RELN: variants seen among roughly 807,000 people sequenced by gnomAD.
RELN encodes reelin.
In RELN, 108 loss-of-function variants were observed where a neutral mutation model predicts 427.6. The observed-to-expected ratio is 0.25, with a 90% CI of 0.22 to 0.30. The LOEUF (loss-of-function observed/expected upper bound fraction) is 0.30, where lower values mean the gene tolerates loss of function less well. Ranked by LOEUF, RELN falls within the 10% of genes least tolerant of loss-of-function variation. The pLI, the probability that RELN is intolerant of heterozygous loss-of-function variation, is 1.00. For missense variants in RELN, 3,715 were observed against 4,302.8 expected (o/e 0.86, Z 3.82); for synonymous variants, 1,524 against 1,513.4 (o/e 1.01, Z -0.16).
At chr7:103,882,917 T>A (rs1175083534) in intron 2 of RELN, among the ~76,000 whole-genome samples, 1 of 152,086 alleles carries the variant, frequency 6.6e-6, no homozygotes, top group Non-Finnish European at 1.5e-5. Flanking sequence ...AAAGAGGGAC[T>A]CCTCCCTAAC....
At position 103,510,928 on chromosome 7, in the gene RELN, C is replaced by G; in HGVS notation, c.8197G>C (p.Gly2733Arg). 1 of 1,612,508 alleles carries G rather than the reference C, an allele frequency of 6.2e-7. No homozygotes were observed. Among genetic ancestry groups the G allele is most frequent in the Non-Finnish European group, 8.5e-7 (1 of 1,178,570 alleles). The change falls in exon 51 of 65, where the codon GGC becomes CGC. Residue 2733 changes from glycine to arginine, a missense_variant. Coordinates refer to ENST00000428762, the MANE Select transcript of RELN (RefSeq NM_005045.4). ...CDSPDGVMLC[G>R]SHDGREVYAV... ...TACACCTCCCGTCCATCATGACTGC[C>G]ACAGAGCATCACACCATCAGGGGAG...
chr7:103,699,041 T>A (rs908083916), intron 9 of RELN, among the ~76,000 whole-genome samples: 8 of 152,192 alleles, frequency 5.3e-5, no homozygotes, highest in African/African-American at 1.4e-4. Context: ...ATAACATGAT[T>A]TTTTATATTA....
chr7:103,511,452 A>C (rs1222466642), intron 50 of RELN, among the ~76,000 whole-genome samples: 1 of 152,148 alleles, frequency 6.6e-6, no homozygotes, highest in East Asian at 1.9e-4. Context: ...ATTTTTTTTA[A>C]TACCGGATAG....
chr7:103,496,810 C>T (rs763538415), intron 55 of RELN, 42 bp from the exon 56 acceptor site: 6 of 1,606,146 alleles, frequency 3.7e-6, no homozygotes, highest in Non-Finnish European at 5.1e-6. Context: ...TATCTAGAAT[C>T]TCCTGCCTCC....
At chr7:103,570,174 CT>C (rs1273066654) in intron 31 of RELN, among the ~76,000 whole-genome samples, 1 of 152,038 alleles carries the variant, frequency 6.6e-6, no homozygotes, top group Non-Finnish European at 1.5e-5. Context: ...TAAAAGGATC[CT>C]CAGGGAAATC....
In RELN at chr7:103,566,588, A is replaced by G. The variant is rs1399403953; in HGVS notation, c.4747+13T>C. ...TAAAAGCTACCAGAAAGCTGGAGTGAGCAGTAACTTACCATGTTGCGGTTG... is the reference window on the plus strand; with the variant it reads ...TAAAAGCTACCAGAAAGCTGGAGTGGGCAGTAACTTACCATGTTGCGGTTG... On this transcript the variant is annotated intron_variant, in intron 32 of 64. Coordinates refer to ENST00000428762, the MANE Select transcript of RELN (RefSeq NM_005045.4). The G allele has an allele frequency of 2.5e-6, 4 of 1,613,904 alleles. No homozygotes were observed. Among genetic ancestry groups the G allele is most frequent in the African/African-American group, 2.7e-5 (2 of 74,942 alleles).
intron 4 of RELN, among the ~76,000 whole-genome samples, chr7:103,755,459 T>C (rs4403345): frequency 0.54 from 81,873 of 151,500 alleles, 22,594 homozygotes; most frequent in Non-Finnish European, 0.6. Flanking sequence ...ATACAAAAAA[T>C]TAGCCGGGCG....
chr7:103,538,811 T>C (rs1354653887), intron 45 of RELN, among the ~76,000 whole-genome samples: 1 of 152,244 alleles, frequency 6.6e-6, no homozygotes, highest in Non-Finnish European at 1.5e-5. Flanking sequence ...AAATTATTAC[T>C]GTTTAGGTTA....
intron 11 of RELN, among the ~76,000 whole-genome samples, chr7:103,666,320 T>A (rs566624718): frequency 5.6e-4 from 85 of 152,204 alleles, no homozygotes; most frequent in African/African-American, 2.0e-3. Flanking sequence ...AATCTACCGA[T>A]GTTGGCCTCT....
At chr7:103,522,301 T>C in intron 47 of RELN, 102 bp from the exon 48 acceptor site, 1 of 1,178,996 alleles carries the variant, frequency 8.5e-7, no homozygotes, top group Non-Finnish European at 1.2e-6. Flanking sequence ...TCCAAGATGA[T>C]GAAAAGTTAC....
intron 3 of RELN, among the ~76,000 whole-genome samples, chr7:103,795,800 CAT>C (rs1425699592): frequency 2.6e-5 from 4 of 152,332 alleles, no homozygotes; most frequent in South Asian, 2.1e-4. Context: ...CCCCAGTAAA[CAT>C]ACACTATTTG....
At chr7:103,917,316 A>G in intron 1 of RELN, 131 bp from the exon 2 acceptor site, 1 of 720,784 alleles carries the variant, frequency 1.4e-6, no homozygotes, top group South Asian at 1.7e-5. Context: ...CCTAGTTGGT[A>G]TTTTTTGTAT....
At chr7:103,617,311 G>A (rs973425086) in intron 20 of RELN, among the ~76,000 whole-genome samples, 29 of 152,138 alleles carry the variant, frequency 1.9e-4, no homozygotes, top group African/African-American at 7.0e-4. Context: ...CTTCAAATTT[G>A]TTGTAATGTT....
Position 103,620,368 on chromosome 7 carries a change from A to T in RELN, c.2703-8565T>A, listed in dbSNP as rs894922936. ...GAATGGACTAACACAACTTCAATTC[A>T]TCTCCGATCTCAGGCTATCCATAAC... On this transcript the variant is annotated intron_variant, in intron 20 of 64. Coordinates refer to ENST00000428762, the MANE Select transcript of RELN (RefSeq NM_005045.4). This position sits in a 1 kb window ranked among gnomAD's most constrained non-coding sequence, Gnocchi z 4.1. 6.6e-6 allele frequency among the ~76,000 whole-genome samples: 1 copy of T among 151,688 alleles called. No homozygotes were observed. The highest frequency in any genetic ancestry group is 2.4e-5 in the African/African-American group (1 of 41,238).
At chr7:103,914,788 T>C (rs1352657242) in intron 2 of RELN, among the ~76,000 whole-genome samples, 1 of 152,134 alleles carries the variant, frequency 6.6e-6, no homozygotes, top group Non-Finnish European at 1.5e-5. Context: ...TCCCCCCACA[T>C]CTGGCTCCTT....
At chr7:103,515,109 T>C (rs1397013347) in intron 50 of RELN, 76 bp downstream of exon 50, 3 of 1,572,368 alleles carry the variant, frequency 1.9e-6, no homozygotes, top group Admixed American at 1.7e-5. Flanking sequence ...TTCCATATTT[T>C]GCTCTTTTGA....
intron 20 of RELN, among the ~76,000 whole-genome samples, chr7:103,619,730 C>T (rs550659017): frequency 6.6e-6 from 1 of 152,236 alleles, no homozygotes; most frequent in Non-Finnish European, 1.5e-5. Context: ...CTGTGGACCC[C>T]AGAGAAGAAG....
intron 11 of RELN, among the ~76,000 whole-genome samples, chr7:103,666,458 T>A (rs1054476135): frequency 1.3e-5 from 2 of 152,174 alleles, no homozygotes; most frequent in African/African-American, 4.8e-5. Flanking sequence ...ATCTTTTAAA[T>A]CATTTAATCA....
chr7:103,960,654 C>G (rs927454947), intron 1 of RELN, among the ~76,000 whole-genome samples: 2 of 151,978 alleles, frequency 1.3e-5, no homozygotes, highest in Non-Finnish European at 2.9e-5. Context: ...AGAGCAAATG[C>G]TAAGAAAAAA....
Sources: allele counts gnomAD v4.1 joint callset (sites outside exome capture counted in the v4.1 genomes callset), GRCh38; gene constraint gnomAD v4.1.1; non-coding constraint Gnocchi (gnomAD v3.1); transcripts MANE v1.5; gene names NCBI Gene and HGNC (gene_info 2026-07-23, HGNC 2026-07-21).